The following SIGLECL1 variants were observed in gnomAD, a reference collection of about 807,000 sequenced individuals.
The protein encoded by SIGLECL1 is SIGLEC family-like protein 1.
SIGLECL1 carries 16 observed loss-of-function variants against 19.1 expected under a neutral mutation model. The ratio of observed to expected loss-of-function variants is 0.84; its 90% CI spans 0.57 to 1.27. The LOEUF (loss-of-function observed/expected upper bound fraction) is 1.27, where lower values mean the gene tolerates loss of function less well. Among genes scored for constraint, SIGLECL1 ranks in the 50% most tolerant of loss-of-function variants. The pLI is 0.00. For missense variants in SIGLECL1, 210 were observed against 239.4 expected (o/e 0.88, Z 0.81); for synonymous variants, 89 against 90.4 (o/e 0.98, Z 0.09).
intron 1 of SIGLECL1, among the ~76,000 whole-genome samples, chr19:51,261,381 CA>C (rs1352910741): frequency 1.3e-5 from 2 of 152,124 alleles, no homozygotes; most frequent in African/African-American, 2.4e-5. Context: ...CTCTGCCTCC[CA>C]GGTTCATGCC....
At chr19:51,259,224 G>A (rs914724724) in intron 1 of SIGLECL1, among the ~76,000 whole-genome samples, 4 of 152,146 alleles carry the variant, frequency 2.6e-5, no homozygotes, top group Non-Finnish European at 4.4e-5. Context: ...AGATTCAGGC[G>A]AAACTTTGGA....
intron 1 of SIGLECL1, among the ~76,000 whole-genome samples, chr19:51,260,495 ATTGT>A (rs1210838939): frequency 7.9e-5 from 12 of 152,084 alleles, no homozygotes; most frequent in South Asian, 4.1e-4. Flanking sequence ...TGGCATTTGG[ATTGT>A]TTACCTTTTT....
Position 51,261,387 on chromosome 19 carries a change from C to G in SIGLECL1, c.-190-2496C>G, listed in dbSNP as rs1031905066. 2.4e-4 allele frequency among the ~76,000 whole-genome samples: 37 copies of G among 152,270 alleles called. No individual in the cohort carries two copies. The South Asian group carries it at 3.7e-3, about 15-fold the overall frequency. On this transcript the variant is annotated intron_variant, in intron 1 of 5. Transcript: ENST00000601727. Reference sequence around the variant, plus strand: ...CACTGCAAGCTCTGCCTCCCAGGTTCATGCCATTCTCCTGCCTCGGCCTCC... The same window carrying G: ...CACTGCAAGCTCTGCCTCCCAGGTTGATGCCATTCTCCTGCCTCGGCCTCC...
upstream of SIGLECL1, among the ~76,000 whole-genome samples, chr19:51,248,567 A>G (rs867243800): frequency 3.3e-5 from 5 of 152,208 alleles, no homozygotes; most frequent in Admixed American, 1.3e-4. Flanking sequence ...CAGCTCCTCC[A>G]AGAACATCAA....
intron 1 of SIGLECL1, among the ~76,000 whole-genome samples, chr19:51,262,067 A>C (rs1983271951): frequency 6.6e-6 from 1 of 152,324 alleles, no homozygotes; most frequent in Non-Finnish European, 1.5e-5. Flanking sequence ...TATGTGTTGC[A>C]AGTATGTTCT....
upstream of SIGLECL1, among the ~76,000 whole-genome samples, chr19:51,246,980 A>G (rs1457112859): frequency 6.6e-6 from 1 of 152,248 alleles, no homozygotes; most frequent in Non-Finnish European, 1.5e-5. Context: ...GCACTCTTAC[A>G]TGTAGACAAA....
intron 1 of SIGLECL1, among the ~76,000 whole-genome samples, chr19:51,255,445 T>C (rs920516155): frequency 6.6e-6 from 1 of 152,074 alleles, no homozygotes; most frequent in Non-Finnish European, 1.5e-5. Flanking sequence ...ACATGCAAGA[T>C]TGCAGCAAAG....
At chr19:51,261,434 G>GA (rs1983212858) in intron 1 of SIGLECL1, among the ~76,000 whole-genome samples, 1 of 152,022 alleles carries the variant, frequency 6.6e-6, no homozygotes, top group East Asian at 1.9e-4. Flanking sequence ...GATTACAGGG[G>GA]CCCGCCACCA....
At chr19:51,252,297 A>G (rs75655940) in intron 1 of SIGLECL1, among the ~76,000 whole-genome samples, 1 of 103,086 alleles carries the variant, frequency 9.7e-6, no homozygotes, top group Non-Finnish European at 1.8e-5. Context: ...ACTCTGTCTC[A>G]AAAAAAAAAA....
upstream of SIGLECL1, among the ~76,000 whole-genome samples, chr19:51,250,231 T>A (rs1982408467): frequency 6.6e-6 from 1 of 152,058 alleles, no homozygotes. Context: ...GGGTTACAGG[T>A]GCCTGCCACC....
chr19:51,252,961 C>CAA, intron 1 of SIGLECL1, among the ~76,000 whole-genome samples: 1 of 151,712 alleles, frequency 6.6e-6, no homozygotes, highest in African/African-American at 2.4e-5. Flanking sequence ...TCTGTCTCTA[C>CAA]AAAAAAAATT....
At chr19:51,268,392 G>A (rs552459828) in intron 5 of SIGLECL1, among the ~76,000 whole-genome samples, 179 bp from the exon 6 acceptor site, 1 of 152,268 alleles carries the variant, frequency 6.6e-6, no homozygotes, top group Admixed American at 6.5e-5. Context: ...AGGACCAGAT[G>A]GAGAAGACCG....
intron 2 of SIGLECL1, 80 bp downstream of exon 2, chr19:51,264,174 TG>T: frequency 1.3e-6 from 2 of 1,555,026 alleles, no homozygotes; most frequent in Non-Finnish European, 1.8e-6. Context: ...GGGCAGAGGA[TG>T]GGCTATGGAG....
At chr19:51,255,075 C>T (rs1239393725) in intron 1 of SIGLECL1, among the ~76,000 whole-genome samples, 2 of 151,806 alleles carry the variant, frequency 1.3e-5, no homozygotes, top group Non-Finnish European at 2.9e-5. Flanking sequence ...GTCTGGCCAA[C>T]ATGGTGAAAC....
intron 1 of SIGLECL1, among the ~76,000 whole-genome samples, chr19:51,259,119 C>T (rs535403150): frequency 1.9e-5 from 1 of 53,716 alleles, no homozygotes; most frequent in South Asian, 1.1e-3. Flanking sequence ...TTCTGGGACT[C>T]ATGTGGGAGT....
intron 1 of SIGLECL1, among the ~76,000 whole-genome samples, chr19:51,260,105 C>T (rs191830604): frequency 4.7e-4 from 71 of 152,282 alleles, no homozygotes; most frequent in Admixed American, 1.5e-3. Context: ...TAAAAGGATG[C>T]CTATATAGGG....
chr19:51,268,384 G>A (rs1389027227), intron 5 of SIGLECL1, among the ~76,000 whole-genome samples, 187 bp from the exon 6 acceptor site: 1 of 152,112 alleles, frequency 6.6e-6, no homozygotes, highest in African/African-American at 2.4e-5. Flanking sequence ...GCACAGAGAG[G>A]ACCAGATGGA....
At chr19:51,260,768 T>C (rs1180067120) in intron 1 of SIGLECL1, among the ~76,000 whole-genome samples, 1 of 152,222 alleles carries the variant, frequency 6.6e-6, no homozygotes, top group Non-Finnish European at 1.5e-5. Context: ...TTAACAGGCA[T>C]TTTGCTGGTT....
At chr19:51,255,246 T>C (rs1471796700) in intron 1 of SIGLECL1, among the ~76,000 whole-genome samples, 1 of 140,172 alleles carries the variant, frequency 7.1e-6, no homozygotes, top group Non-Finnish European at 1.5e-5. Context: ...GGCAACAGAG[T>C]GGGGACCCTG....
Sources: allele counts gnomAD v4.1 joint callset (sites outside exome capture counted in the v4.1 genomes callset), GRCh38; gene constraint gnomAD v4.1.1; transcripts MANE v1.5; gene names NCBI Gene and HGNC (gene_info 2026-07-23, HGNC 2026-07-21).